Variants in MYOF observed in about 807,000 individuals in gnomAD.
MYOF encodes fer-1-like 3, myoferlin.
Under a neutral mutation model 284.2 loss-of-function variants are expected in MYOF, and 244 were observed. That is an observed-to-expected ratio of 0.86 (90% CI 0.77 to 0.95). MYOF has a LOEUF of 0.95. MYOF is among the 40% of genes least tolerant of loss of function. The pLI, the probability that MYOF is intolerant of heterozygous loss-of-function variation, is 0.00. For missense variants in MYOF, 2,496 were observed against 2,560.6 expected (o/e 0.97, Z 0.54); for synonymous variants, 904 against 919.7 (o/e 0.98, Z 0.31).
chr10:93,347,568 A>AAAAAAAT, intron 37 of MYOF, 49 bp downstream of exon 37: 3 of 1,191,912 alleles, frequency 2.5e-6, no homozygotes, highest in Admixed American at 3.9e-5. Context: ...CAAAAAAAAA[A>AAAAAAAT]AAAAAAAAAA....
intron 1 of MYOF, among the ~76,000 whole-genome samples, chr10:93,464,458 A>G (rs1012001807): frequency 6.6e-6 from 1 of 152,198 alleles, no homozygotes; most frequent in Non-Finnish European, 1.5e-5. Context: ...ATGGTAACAC[A>G]TTTGAAATGC....
chr10:93,363,588 C>T (rs1253376150), intron 27 of MYOF, among the ~76,000 whole-genome samples: 1 of 152,186 alleles, frequency 6.6e-6, no homozygotes, highest in Non-Finnish European at 1.5e-5. Flanking sequence ...ACTGCTTGAG[C>T]CCAGGAATTT....
intron 3 of MYOF, among the ~76,000 whole-genome samples, chr10:93,441,271 C>A (rs1316607577): frequency 1.3e-5 from 2 of 152,152 alleles, no homozygotes; most frequent in African/African-American, 4.8e-5. Flanking sequence ...ATTTCATATA[C>A]TAGGGAATGA....
chr10:93,336,887 A>G (rs1273437526), intron 40 of MYOF, among the ~76,000 whole-genome samples: 1 of 148,948 alleles, frequency 6.7e-6, no homozygotes, highest in African/African-American at 2.5e-5. Context: ...GAAAGAGAAG[A>G]AAGGAAGGAA....
At chr10:93,357,655 G>T (rs1186760670) in intron 29 of MYOF, among the ~76,000 whole-genome samples, 1 of 152,122 alleles carries the variant, frequency 6.6e-6, no homozygotes, top group African/African-American at 2.4e-5. Flanking sequence ...ATTATTGTTG[G>T]GTCTATTTTT....
intron 48 of MYOF, 49 bp from the exon 49 acceptor site, chr10:93,320,062 TGTAG>T (rs1564615131): frequency 1.1e-5 from 17 of 1,605,726 alleles, no homozygotes; most frequent in Non-Finnish European, 1.4e-5. Flanking sequence ...TGACAAGTCA[TGTAG>T]CCGCAAAATT....
At chr10:93,396,118 T>C (rs1846996180) in intron 16 of MYOF, 24 bp downstream of exon 16, 1 of 1,567,630 alleles carries the variant, frequency 6.4e-7, no homozygotes, top group East Asian at 2.3e-5. Context: ...TCCAGTCTTG[T>C]TCTAGATCTG....
At chr10:93,329,531 C>G in intron 44 of MYOF, 133 bp downstream of exon 44, 1 of 859,324 alleles carries the variant, frequency 1.2e-6, no homozygotes. Context: ...AATAATCCTG[C>G]GATTGAAATC....
intron 2 of MYOF, 53 bp from the exon 3 acceptor site, chr10:93,452,194 G>T: frequency 1.7e-6 from 2 of 1,210,880 alleles, no homozygotes; most frequent in Non-Finnish European, 2.4e-6. Context: ...GTTAGAAGGA[G>T]CAGAGATTAC....
intron 17 of MYOF, among the ~76,000 whole-genome samples, chr10:93,391,790 C>T (rs113142822): frequency 0.012 from 1,759 of 152,258 alleles, 38 homozygotes; most frequent in African/African-American, 0.04. Flanking sequence ...TCTGACCTAG[C>T]TACAACCCAC....
chr10:93,391,958 T>A (rs935896643), intron 17 of MYOF, among the ~76,000 whole-genome samples: 1 of 152,216 alleles, frequency 6.6e-6, no homozygotes, highest in Non-Finnish European at 1.5e-5. Flanking sequence ...TGGCAGGATT[T>A]AAGTATGTTT....
intron 5 of MYOF, among the ~76,000 whole-genome samples, chr10:93,420,692 A>C (rs1298088043): frequency 6.6e-6 from 1 of 152,212 alleles, no homozygotes; most frequent in Non-Finnish European, 1.5e-5. Context: ...AACCTTTAAA[A>C]TCAATAGCAG....
chr10:93,312,718 C>T (rs868249530), intron 51 of MYOF, among the ~76,000 whole-genome samples: 1 of 151,970 alleles, frequency 6.6e-6, no homozygotes, highest in South Asian at 2.1e-4. Flanking sequence ...AGAAGCCTAG[C>T]ATTAATTAAC....
At chr10:93,455,530 T>C (rs73321770) in intron 2 of MYOF, among the ~76,000 whole-genome samples, 138 of 152,068 alleles carry the variant, frequency 9.1e-4, no homozygotes, top group African/African-American at 2.9e-3. Context: ...TAGTTGGGTG[T>C]GGTGCACGCT....
intron 3 of MYOF, among the ~76,000 whole-genome samples, chr10:93,439,170 TGGTATCACTGTTACCTTTGCA>T (rs369304997): frequency 4.3e-3 from 659 of 152,082 alleles, no homozygotes; most frequent in African/African-American, 0.015. Flanking sequence ...CTGGCCACTA[TGGTATCACTGTTACCTTTGCA>T]GGTAACACCT....
chr10:93,462,197 G>A (rs553629749), intron 1 of MYOF, among the ~76,000 whole-genome samples: 8 of 151,764 alleles, frequency 5.3e-5, no homozygotes, highest in Non-Finnish European at 8.8e-5. Context: ...AGCCTCCTGA[G>A]TAGCTAGGAT....
intron 21 of MYOF, among the ~76,000 whole-genome samples, chr10:93,378,374 G>A (rs908244121): frequency 2.6e-5 from 4 of 152,080 alleles, no homozygotes; most frequent in African/African-American, 9.7e-5. Context: ...CTCCACAAAT[G>A]CCTTTGAGAT....
At position 93,406,482 on chromosome 10, in the gene MYOF, C is replaced by G. The variant is rs556540389; in HGVS notation, c.730-2263G>C. 1.7e-3 allele frequency among the ~76,000 whole-genome samples: 249 copies of G among 150,856 alleles called. 1 individual carries two copies. The highest frequency in any genetic ancestry group is 5.6e-3 in the African/African-American group (233 of 41,300). On this transcript the variant is annotated intron_variant, in intron 7 of 53. Transcript: ENST00000359263. ...GTTTGCTGGGCTCCTGGGAATGCAG[C>G]TGAGTCAACAGGAAGCCTGCATTAT...
chr10:93,402,895 G>GAA lies in MYOF; in HGVS notation c.844-7_844-6dup. 1.2e-6 allele frequency: 2 copies of GAA among 1,610,730 alleles called. No homozygotes were observed. Among genetic ancestry groups the GAA allele is most frequent in the East Asian group, 4.5e-5 (2 of 44,786 alleles). On this transcript the variant is annotated splice_polypyrimidine_tract_variant and splice_region_variant and intron_variant, in intron 9 of 53. Transcript: ENST00000359263. ...ATAAACAAATCCAACATCAATCTGGGAAAACAATAATCGAAAGTAGTCTAA... is the reference window on the plus strand; with the variant it reads ...ATAAACAAATCCAACATCAATCTGGGAAAAAACAATAATCGAAAGTAGTCTAA...
Sources: gnomAD v4.1 joint callset for allele counts (sites outside exome capture counted in the v4.1 genomes callset) on GRCh38, gnomAD v4.1.1 for gene constraint, MANE v1.5 for transcripts, NCBI Gene and HGNC (gene_info 2026-07-23, HGNC 2026-07-21) for gene names.